The following LIPI variants were observed in gnomAD, a reference collection of about 807,000 sequenced individuals.
The protein encoded by LIPI is lipase I, also known as lipase member I.
A neutral mutation model predicts 50.6 loss-of-function variants in LIPI; 59 were observed. The ratio of observed to expected loss-of-function variants is 1.16; its 90% CI spans 0.94 to 1.45. The LOEUF is 1.45. Ranked by LOEUF, LIPI falls within the 40% of genes most tolerant of loss-of-function variation. The pLI is 0.00. For missense variants in LIPI, 586 were observed against 536.3 expected, an observed-to-expected ratio of 1.09 and a Z score of -0.92; for synonymous variants, 203 against 178.2, an observed-to-expected ratio of 1.14 and a Z score of -1.11.
intron 8 of LIPI, among the ~76,000 whole-genome samples, chr21:14,151,107 A>C (rs1230906344): frequency 6.6e-6 from 1 of 152,184 alleles, no homozygotes; most frequent in African/African-American, 2.4e-5. Context: ...TTACTTCAGT[A>C]CACAGGTATT....
intron 1 of LIPI, among the ~76,000 whole-genome samples, chr21:14,207,303 T>C (rs1375429489): frequency 6.6e-6 from 1 of 152,180 alleles, no homozygotes; most frequent in African/African-American, 2.4e-5. Context: ...TAGGAGGATA[T>C]TGAGTGTTCC....
At chr21:14,130,481 T>C (rs2017250811) in intron 9 of LIPI, among the ~76,000 whole-genome samples, 1 of 152,198 alleles carries the variant, frequency 6.6e-6, no homozygotes, top group African/African-American at 2.4e-5. Flanking sequence ...CTGCTCTGTA[T>C]ATCTAGGATA....
At chr21:14,163,833 G>A (rs1478871338) in intron 6 of LIPI, among the ~76,000 whole-genome samples, 2 of 151,744 alleles carry the variant, frequency 1.3e-5, no homozygotes, top group Non-Finnish European at 2.9e-5. Context: ...GATTTTACCT[G>A]TAATTCCTTC....
At chr21:14,163,090 CTG>C (rs2018550190) in intron 7 of LIPI, among the ~76,000 whole-genome samples, 1 of 48,306 alleles carries the variant, frequency 2.1e-5, no homozygotes, top group South Asian at 6.3e-4. Flanking sequence ...GGTGTTCAGA[CTG>C]TATATATATA....
At chr21:14,110,755 T>G (rs1483473659) in intron 9 of LIPI, among the ~76,000 whole-genome samples, 1 of 151,792 alleles carries the variant, frequency 6.6e-6, no homozygotes, top group Non-Finnish European at 1.5e-5. Flanking sequence ...CCTGGCTTAT[T>G]ATACTTAACA....
intron 7 of LIPI, among the ~76,000 whole-genome samples, chr21:14,158,225 C>A (rs747492744): frequency 6.6e-6 from 1 of 151,558 alleles, no homozygotes; most frequent in African/African-American, 2.4e-5. Flanking sequence ...TACCTCAGGA[C>A]GTTGTTAAAA....
At chr21:14,171,022 G>T (rs1184287248) in intron 4 of LIPI, among the ~76,000 whole-genome samples, 1 of 150,618 alleles carries the variant, frequency 6.6e-6, no homozygotes, top group African/African-American at 2.4e-5. Context: ...CAAAGTCTCA[G>T]GATACAAAAT....
chr21:14,176,676 TA>T (rs2019107473), intron 4 of LIPI, among the ~76,000 whole-genome samples: 1 of 107,794 alleles, frequency 9.3e-6, no homozygotes, highest in African/African-American at 3.7e-5. Context: ...TGTTTGAGAA[TA>T]TTGTTTTTTT....
intron 1 of LIPI, among the ~76,000 whole-genome samples, chr21:14,200,525 T>A (rs2123329893): frequency 6.6e-6 from 1 of 151,946 alleles, no homozygotes; most frequent in African/African-American, 2.4e-5. Flanking sequence ...AAGAATAAAA[T>A]ACCTAGGAAT....
intron 3 of LIPI, among the ~76,000 whole-genome samples, chr21:14,184,846 A>G (rs1399964538): frequency 6.6e-6 from 1 of 152,216 alleles, no homozygotes; most frequent in East Asian, 1.9e-4. Flanking sequence ...ACATTCATTC[A>G]GTTAATTTGT....
At chr21:14,181,147 G>A (rs1217042932) in intron 4 of LIPI, among the ~76,000 whole-genome samples, 1 of 152,122 alleles carries the variant, frequency 6.6e-6, no homozygotes, top group African/African-American at 2.4e-5. Context: ...CTAATGTATA[G>A]GAAGTGCTCA....
intron 2 of LIPI, among the ~76,000 whole-genome samples, chr21:14,187,009 C>A (rs894218628): frequency 6.6e-6 from 1 of 152,166 alleles, no homozygotes; most frequent in African/African-American, 2.4e-5. Flanking sequence ...CAAAATTATG[C>A]TAATTTGCCT....
chr21:14,146,912 G>T lies in LIPI; in HGVS notation c.1119-2113C>A, dbSNP rs533174001. 5.3e-5 allele frequency among the ~76,000 whole-genome samples: 8 copies of T among 150,834 alleles called. No individual in the cohort carries two copies. The South Asian group carries it at 8.4e-4, about 16-fold the overall frequency. ...TCCTGCCTCAGCTTCCTGAGCAGCT[G>T]GGACTACAGGCACACGCCACCACAC... On this transcript the variant is annotated intron_variant, in intron 8 of 9. Transcript: ENST00000681601.
At chr21:14,119,290 A>C (rs1390348036) in intron 9 of LIPI, among the ~76,000 whole-genome samples, 4 of 152,138 alleles carry the variant, frequency 2.6e-5, no homozygotes, top group African/African-American at 9.7e-5. Flanking sequence ...AGCTACACCC[A>C]CCAGAAAGGA....
At chr21:14,182,209 C>T (rs1157992780) in intron 3 of LIPI, among the ~76,000 whole-genome samples, 1 of 152,056 alleles carries the variant, frequency 6.6e-6, no homozygotes, top group Non-Finnish European at 1.5e-5. Context: ...ACCATCTGGT[C>T]CTCTCTTGAA....
intron 5 of LIPI, among the ~76,000 whole-genome samples, chr21:14,166,020 T>C (rs2018670771): frequency 1.3e-5 from 2 of 152,208 alleles, no homozygotes. Flanking sequence ...AATATGGTGA[T>C]GGTTAAGATT....
intron 1 of LIPI, 139 bp from the exon 2 acceptor site, chr21:14,189,558 T>C: frequency 1.4e-6 from 1 of 724,484 alleles, no homozygotes; most frequent in Non-Finnish European, 2.3e-6. Flanking sequence ...ACTGAGCAAC[T>C]GCAATGTTGA....
intron 1 of LIPI, among the ~76,000 whole-genome samples, chr21:14,203,914 G>A (rs1248456632): frequency 6.6e-6 from 1 of 152,036 alleles, no homozygotes; most frequent in Non-Finnish European, 1.5e-5. Flanking sequence ...CCTTAAAAAT[G>A]AATGAGATCA....
intron 9 of LIPI, among the ~76,000 whole-genome samples, chr21:14,127,982 A>C (rs2017132702): frequency 6.6e-6 from 1 of 152,102 alleles, no homozygotes; most frequent in Non-Finnish European, 1.5e-5. Flanking sequence ...CAAAAGATAG[A>C]ATACAAAGTA....
Sources: allele counts gnomAD v4.1 joint callset (sites outside exome capture counted in the v4.1 genomes callset), GRCh38; gene constraint gnomAD v4.1.1; transcripts MANE v1.5; gene names NCBI Gene and HGNC (gene_info 2026-07-23, HGNC 2026-07-21).